The following RPH3A variants were observed in gnomAD, a reference collection of about 807,000 sequenced individuals.
The protein encoded by RPH3A is rabphilin 3A.
RPH3A carries 48 observed loss-of-function variants against 102.2 expected under a neutral mutation model. The observed-to-expected ratio is 0.47, with a 90% confidence interval of 0.37 to 0.60. The LOEUF is 0.60. Ranked by LOEUF, RPH3A falls within the 20% of genes least tolerant of loss-of-function variation. RPH3A has a pLI of 0.00. For synonymous variants in RPH3A, 310 were observed against 324.3 expected (o/e 0.96, Z 0.47); for missense variants, 781 against 910.1 (o/e 0.86, Z 1.83).
At chr12:112,674,191 G>A (rs981927848) in intron 1 of RPH3A, among the ~76,000 whole-genome samples, 16 of 152,144 alleles carry the variant, frequency 1.1e-4, no homozygotes, top group Admixed American at 2.0e-4. Context: ...CTGAGTAGCT[G>A]GGATTACAAG....
At chr12:112,889,212 C>G (rs2043051764) in intron 17 of RPH3A, among the ~76,000 whole-genome samples, 1 of 152,224 alleles carries the variant, frequency 6.6e-6, no homozygotes, top group Non-Finnish European at 1.5e-5. Context: ...GGAATGAGGC[C>G]CTTCTTCTGG....
intron 14 of RPH3A, among the ~76,000 whole-genome samples, chr12:112,879,409 G>C (rs1469115391): frequency 6.6e-6 from 1 of 152,226 alleles, no homozygotes; most frequent in Non-Finnish European, 1.5e-5. Context: ...TCACTTATCT[G>C]CAACCACCTC....
chr12:112,601,847 A>G (rs1374088923), intron 1 of RPH3A, among the ~76,000 whole-genome samples: 1 of 152,152 alleles, frequency 6.6e-6, no homozygotes, highest in Non-Finnish European at 1.5e-5. Context: ...AGGCTGAGGT[A>G]GGAGGATTGC....
intron 1 of RPH3A, among the ~76,000 whole-genome samples, chr12:112,758,591 A>G (rs1490793396): frequency 1.3e-5 from 2 of 152,220 alleles, no homozygotes; most frequent in African/African-American, 2.4e-5. Context: ...TTCTCACAAT[A>G]TCCCTATGGA....
At chr12:112,589,113 G>A (rs748885227) in intron 1 of RPH3A, among the ~76,000 whole-genome samples, 1 of 151,882 alleles carries the variant, frequency 6.6e-6, no homozygotes, top group Non-Finnish European at 1.5e-5. Flanking sequence ...AGAAGACCAG[G>A]CTGGTAGAGG....
intron 2 of RPH3A, among the ~76,000 whole-genome samples, chr12:112,805,743 G>T (rs926740547): frequency 1.3e-5 from 2 of 152,120 alleles, no homozygotes; most frequent in African/African-American, 4.8e-5. Flanking sequence ...TTTAAAAAGG[G>T]GATAATTCAG....
chr12:112,671,001 G>T (rs753881125), intron 1 of RPH3A, among the ~76,000 whole-genome samples: 2 of 152,014 alleles, frequency 1.3e-5, no homozygotes, highest in East Asian at 1.9e-4. Context: ...TCAACCACAG[G>T]GGGGAGATGC....
chr12:112,837,067 C>T (rs1369263728), intron 4 of RPH3A, among the ~76,000 whole-genome samples: 1 of 152,138 alleles, frequency 6.6e-6, no homozygotes, highest in African/African-American at 2.4e-5. Context: ...GATTGGATGA[C>T]GGGTCCAATA....
intron 4 of RPH3A, among the ~76,000 whole-genome samples, chr12:112,845,824 A>G (rs1271209510): frequency 6.6e-6 from 1 of 152,206 alleles, no homozygotes; most frequent in Non-Finnish European, 1.5e-5. Context: ...TATAACAAGA[A>G]AAAATTTAAA....
chr12:112,767,403 C>G (rs142024850), intron 1 of RPH3A, among the ~76,000 whole-genome samples: 1 of 152,148 alleles, frequency 6.6e-6, no homozygotes, highest in Non-Finnish European at 1.5e-5. Flanking sequence ...GAGAAGGGCC[C>G]GCCAGGGAAG....
At chr12:112,728,543 C>T (rs1266835122) in intron 1 of RPH3A, among the ~76,000 whole-genome samples, 2 of 152,006 alleles carry the variant, frequency 1.3e-5, no homozygotes, top group Admixed American at 1.3e-4. Flanking sequence ...ACTATAAAGA[C>T]TTAAGAATCA....
At chr12:112,727,406 AAT>A (rs1555204972) in intron 1 of RPH3A, among the ~76,000 whole-genome samples, 70 of 122,906 alleles carry the variant, frequency 5.7e-4, no homozygotes, top group African/African-American at 1.1e-3. Flanking sequence ...AAAAAAAAAA[AAT>A]ATATATATAT....
chr12:112,888,470 T>C (rs1176974769), intron 17 of RPH3A, among the ~76,000 whole-genome samples: 1 of 152,224 alleles, frequency 6.6e-6, no homozygotes, highest in Non-Finnish European at 1.5e-5. Flanking sequence ...GCAGACAGCA[T>C]AGCCTAGAGT....
chr12:112,701,547 G>A (rs986938700), intron 1 of RPH3A, among the ~76,000 whole-genome samples: 3 of 152,198 alleles, frequency 2.0e-5, no homozygotes, highest in Admixed American at 1.3e-4. Context: ...GAGATTTAGT[G>A]AGTTCTGTGT....
intron 2 of RPH3A, among the ~76,000 whole-genome samples, chr12:112,807,590 C>A (rs1460137732): frequency 6.6e-6 from 1 of 152,162 alleles, no homozygotes; most frequent in African/African-American, 2.4e-5. Context: ...ATAACAACTA[C>A]CTTATTGGGT....
intron 2 of RPH3A, among the ~76,000 whole-genome samples, chr12:112,819,096 A>ATG (rs1056630553): frequency 7.9e-5 from 12 of 151,656 alleles, no homozygotes; most frequent in Middle Eastern, 3.4e-3. Context: ...AGATATATAT[A>ATG]TGTGTGTGTG....
intron 1 of RPH3A, among the ~76,000 whole-genome samples, chr12:112,717,814 CTG>C (rs993543670): frequency 6.6e-6 from 1 of 150,942 alleles, no homozygotes; most frequent in Non-Finnish European, 1.5e-5. Flanking sequence ...AATTGCCAAA[CTG>C]TTTTCCATGG....
intron 1 of RPH3A, among the ~76,000 whole-genome samples, chr12:112,684,923 C>T (rs986213580): frequency 2.0e-5 from 3 of 152,160 alleles, no homozygotes; most frequent in Non-Finnish European, 4.4e-5. Context: ...TTCTCTACGT[C>T]CCCACCTGGT....
intron 1 of RPH3A, among the ~76,000 whole-genome samples, chr12:112,698,792 G>A (rs1464389384): frequency 1.3e-5 from 2 of 152,044 alleles, no homozygotes; most frequent in Non-Finnish European, 2.9e-5. Context: ...TGCAGAAAAC[G>A]GTAGGATAGT....
Sources: allele counts gnomAD v4.1 joint callset (sites outside exome capture counted in the v4.1 genomes callset), GRCh38; gene constraint gnomAD v4.1.1; transcripts MANE v1.5; gene names NCBI Gene and HGNC (gene_info 2026-07-23, HGNC 2026-07-21).